The following UQCC1 variants were observed in gnomAD, a reference collection of about 807,000 sequenced individuals.
UQCC1 encodes ubiquinol-cytochrome c reductase complex assembly factor 1.
Under a neutral mutation model 48.0 loss-of-function variants are expected in UQCC1, and 38 were observed. The ratio of observed to expected loss-of-function variants is 0.79; its 90% CI spans 0.61 to 1.04. The LOEUF is 1.04. Among genes scored for constraint, UQCC1 ranks in the 50% least tolerant of loss-of-function variants. The pLI is 0.00. For synonymous variants in UQCC1, 111 were observed against 129.2 expected (o/e 0.86, Z 0.95); for missense variants, 368 against 381.8 (o/e 0.96, Z 0.30).
At chr20:35,406,481 A>C (rs2062252433) in intron 1 of UQCC1, among the ~76,000 whole-genome samples, 1 of 152,256 alleles carries the variant, frequency 6.6e-6, no homozygotes, top group Admixed American at 6.5e-5. Flanking sequence ...AGATTTTCAA[A>C]CAAGAATTCT....
At chr20:35,313,203 T>C (rs929584369) in intron 8 of UQCC1, among the ~76,000 whole-genome samples, 26 of 151,762 alleles carry the variant, frequency 1.7e-4, no homozygotes, top group Non-Finnish European at 2.4e-4. Flanking sequence ...GGTGAAACCC[T>C]GTCTCTACTA....
At chr20:35,310,935 T>A (rs970157122) in intron 8 of UQCC1, among the ~76,000 whole-genome samples, 68 of 150,854 alleles carry the variant, frequency 4.5e-4, no homozygotes, top group African/African-American at 1.6e-3. Context: ...CTTGGCCTCG[T>A]GATCTATCCA....
At chr20:35,395,295 C>G (rs1023627738) in intron 1 of UQCC1, among the ~76,000 whole-genome samples, 2 of 152,148 alleles carry the variant, frequency 1.3e-5, no homozygotes, top group African/African-American at 4.8e-5. Context: ...CAACCAGCCT[C>G]TACCCTCCAA....
intron 2 of UQCC1, among the ~76,000 whole-genome samples, chr20:35,391,354 G>A (rs2062012415): frequency 6.6e-6 from 1 of 152,164 alleles, no homozygotes; most frequent in Non-Finnish European, 1.5e-5. Flanking sequence ...AGACACAGTG[G>A]CTCATACCTA....
intron 6 of UQCC1, among the ~76,000 whole-genome samples, chr20:35,358,582 C>T (rs113350306): frequency 5.7e-4 from 86 of 152,170 alleles, no homozygotes; most frequent in African/African-American, 1.9e-3. Context: ...AGTTGCTCCT[C>T]CCAAGTTTGA....
intron 6 of UQCC1, among the ~76,000 whole-genome samples, chr20:35,359,451 C>T (rs2061581958): frequency 6.6e-6 from 1 of 152,122 alleles, no homozygotes; most frequent in South Asian, 2.1e-4. Context: ...GGAGAGTTTC[C>T]TAGCTATGAT....
chr20:35,344,669 G>A (rs145543735), intron 7 of UQCC1: 1 of 152,408 alleles, frequency 6.6e-6, no homozygotes, highest in Non-Finnish European at 1.5e-5. Flanking sequence ...ATACCTTAAA[G>A]GCTGCCGATC....
chr20:35,304,322 A>G (rs1357835284), intron 9 of UQCC1, among the ~76,000 whole-genome samples: 1 of 152,098 alleles, frequency 6.6e-6, no homozygotes, highest in Non-Finnish European at 1.5e-5. Flanking sequence ...GGAATTCCCT[A>G]TCACACCTCT....
At chr20:35,398,319 A>T (rs1234358873) in intron 1 of UQCC1, among the ~76,000 whole-genome samples, 2 of 152,192 alleles carry the variant, frequency 1.3e-5, no homozygotes, top group Non-Finnish European at 2.9e-5. Flanking sequence ...GTCTCTTTTT[A>T]TCAAAAATAA....
At chr20:35,351,636 T>A (rs1193740327) in intron 6 of UQCC1, among the ~76,000 whole-genome samples, 3 of 152,178 alleles carry the variant, frequency 2.0e-5, no homozygotes. Flanking sequence ...ACAGCAATAG[T>A]GAGGTAATGG....
chr20:35,318,037 T>C (rs950723102), intron 7 of UQCC1, among the ~76,000 whole-genome samples: 2 of 152,210 alleles, frequency 1.3e-5, no homozygotes, highest in African/African-American at 4.8e-5. Context: ...AGGATCTCCC[T>C]ACTCCCACAT....
At chr20:35,368,443 T>A (rs978991747) in intron 5 of UQCC1, among the ~76,000 whole-genome samples, 1 of 152,186 alleles carries the variant, frequency 6.6e-6, no homozygotes, top group Non-Finnish European at 1.5e-5. Context: ...CATACAGCTA[T>A]GAAAAGAGAC....
intron 8 of UQCC1, among the ~76,000 whole-genome samples, chr20:35,310,753 C>T (rs1234037486): frequency 7.7e-5 from 10 of 130,016 alleles, no homozygotes; most frequent in East Asian, 7.3e-4. Flanking sequence ...AGTGCAGTAG[C>T]GTGATCTCAG....
In UQCC1 at chr20:35,401,960, C is replaced by T. The variant is rs577501571; in HGVS notation, c.25-7764G>A. ...ACAGGCATGAGCCACCATGCCCAGCCGAAATCCACTTTATAAGTCACCACT... is the reference window on the plus strand; with the variant it reads ...ACAGGCATGAGCCACCATGCCCAGCTGAAATCCACTTTATAAGTCACCACT... On this transcript the variant is annotated intron_variant, in intron 1 of 9. Transcript: ENST00000374385. Among the ~76,000 whole-genome samples, 144 of 152,046 alleles carry T rather than the reference C, an allele frequency of 9.5e-4. 1 individual carries two copies. The highest frequency in any genetic ancestry group is 3.5e-3 in the South Asian group (17 of 4,810).
At chr20:35,343,043 G>A (rs2061397455) in intron 7 of UQCC1, among the ~76,000 whole-genome samples, 1 of 152,176 alleles carries the variant, frequency 6.6e-6, no homozygotes, top group Non-Finnish European at 1.5e-5. Flanking sequence ...TAACTCGAAA[G>A]TGGCTCTCTT....
intron 1 of UQCC1, among the ~76,000 whole-genome samples, chr20:35,406,702 C>T (rs1008599247): frequency 3.3e-5 from 5 of 152,052 alleles, no homozygotes; most frequent in Non-Finnish European, 7.4e-5. Context: ...ATAAAAAATA[C>T]AGTACAAATG....
chr20:35,405,476 CAG>C (rs1026711225), intron 1 of UQCC1, among the ~76,000 whole-genome samples: 65 of 152,194 alleles, frequency 4.3e-4, no homozygotes, highest in African/African-American at 1.5e-3. Flanking sequence ...GGCCCATACA[CAG>C]GGGGAAAAAA....
At chr20:35,314,829 G>A (rs1600858341) in intron 7 of UQCC1, 64 bp from the exon 8 acceptor site, 1 of 1,337,922 alleles carries the variant, frequency 7.5e-7, no homozygotes, top group Non-Finnish European at 1.0e-6. Context: ...CAAAAAGTAT[G>A]ATCTTTGACT....
intron 8 of UQCC1, among the ~76,000 whole-genome samples, chr20:35,310,068 CCT>C (rs1467315298): frequency 6.6e-6 from 1 of 152,194 alleles, no homozygotes; most frequent in African/African-American, 2.4e-5. Context: ...AGTCATTCCC[CCT>C]GTTGTTCTCT....
Sources: allele counts gnomAD v4.1 joint callset (sites outside exome capture counted in the v4.1 genomes callset), GRCh38; gene constraint gnomAD v4.1.1; transcripts MANE v1.5; gene names NCBI Gene and HGNC (gene_info 2026-07-23, HGNC 2026-07-21).